The following ZNF653 variants were observed in gnomAD, a reference collection of about 807,000 sequenced individuals.
ZNF653 encodes the protein 67 kDa zinc finger protein.
In ZNF653, 37 loss-of-function variants were observed where a neutral mutation model predicts 59.9. The ratio of observed to expected loss-of-function variants is 0.62; its 90% confidence interval spans 0.48 to 0.81. ZNF653 has a LOEUF of 0.81. ZNF653 is among the 40% of genes least tolerant of loss of function. The pLI, the probability that ZNF653 is intolerant of heterozygous loss-of-function variation, is 0.00. For synonymous variants in ZNF653, 435 were observed against 371.8 expected (o/e 1.17, Z -1.96); for missense variants, 808 against 881.1 (o/e 0.92, Z 1.05).
In ZNF653 at chr19:11,497,611, G is replaced by A. The variant is rs73922661; in HGVS notation, c.343+685C>T. 7.9e-3 allele frequency among the ~76,000 whole-genome samples: 1,203 copies of A among 152,276 alleles called. 22 individuals are homozygous for A. Among genetic ancestry groups the A allele is most frequent in the African/African-American group, 0.028 (1,147 of 41,538 alleles). On this transcript the variant is annotated intron_variant, in intron 2 of 8. Coordinates refer to ENST00000293771, the MANE Select transcript of ZNF653 (RefSeq NM_138783.4). ...GGTATCTGACTCTTGTGATGGTCCT[G>A]GTCCCTCAGCCAAGTGCGAGGACAG...
chr19:11,500,058 T>A (rs1209875774), intron 1 of ZNF653, among the ~76,000 whole-genome samples: 2 of 152,208 alleles, frequency 1.3e-5, no homozygotes, highest in Non-Finnish European at 2.9e-5. Context: ...GCCTCCCTGC[T>A]GTGGCCCAGA....
intron 3 of ZNF653, among the ~76,000 whole-genome samples, chr19:11,488,293 G>A (rs1469947461): frequency 2.0e-5 from 3 of 151,840 alleles, no homozygotes; most frequent in Non-Finnish European, 4.4e-5. Flanking sequence ...GGGACTACAG[G>A]CATGTGCCGC....
chr19:11,483,444 T>G lies in ZNF653; in HGVS notation c.*238A>C. On this transcript the variant is annotated 3_prime_UTR_variant, in exon 9 of 9. Transcript: ENST00000293771. ...GAAGGGCATCTCCTTTCTCGCTCTT[T>G]AATCTCACTCTGCTCTCTTGACACA... The G allele has an allele frequency of 7.5e-7, 1 of 1,337,198 alleles. No individual in the cohort carries two copies. Among genetic ancestry groups the G allele is most frequent in the Non-Finnish European group, 9.6e-7 (1 of 1,044,962 alleles). The allele number at this position is 1,337,198 out of a possible 1,614,324, so 82.8% of individuals were successfully genotyped here.
chr19:11,486,172 G>A lies in ZNF653; in HGVS notation c.1456-402C>T, dbSNP rs1011190301. On this transcript the variant is annotated intron_variant, in intron 6 of 8. Coordinates refer to ENST00000293771, the MANE Select transcript of ZNF653 (RefSeq NM_138783.4). ...GACAGGGTTTCACCGTGTTAACCAG[G>A]ATGGTCTCGATCTCCTGACCTCGTG... 1.1e-4 allele frequency among the ~76,000 whole-genome samples: 17 copies of A among 152,208 alleles called. No individual in the cohort carries two copies. The East Asian group carries it at 3.3e-3, about 29-fold the overall frequency.
At position 11,505,506 on chromosome 19, in the gene ZNF653, T is replaced by G; in HGVS notation, c.281A>C (p.Gln94Pro). Residue 94 changes from glutamine (Q) to proline (P), a missense_variant, in exon 1 of 9, where the codon CAG becomes CCG. Transcript: ENST00000293771. The part of the protein sequence containing the change: ...AAYLISLERG[Q>P]RSGRHGKPWE... ...CCCTCACCCGTGGCGGCCGCTCCGC[T>G]GGCCGCGCTCCAGAGAGATGAGGTA... is the stretch of plus-strand genomic sequence containing the variant. 3 of 1,492,366 alleles carry G rather than the reference T, an allele frequency of 2.0e-6. No individual in the cohort carries two copies. The highest frequency in any genetic ancestry group is 2.6e-6 in the Non-Finnish European group (3 of 1,134,108). The allele number at this position is 1,492,366 out of a possible 1,614,324, so 92.4% of individuals were successfully genotyped here. A position where few individuals can be genotyped will look rare whatever the true frequency, so the allele number is the denominator to read the frequency against.
intron 1 of ZNF653, chr19:11,505,120 A>C: frequency 4.8e-6 from 1 of 209,446 alleles, no homozygotes. Context: ...GTGGGGAACT[A>C]AGCGGGGGAG....
rs911772458 is a variant in ZNF653, at chr19:11,488,895, CTGAG to C, written c.560-996_560-993del. On this transcript the variant is annotated intron_variant, in intron 3 of 8. Coordinates refer to ENST00000293771, the MANE Select transcript of ZNF653 (RefSeq NM_138783.4). ...ACAGGCATGAGCCACCGCATCCGGC[CTGAG>C]TTTTTCTTTTTTTTTTTTGAGACAG... is the stretch of plus-strand genomic sequence containing the variant. Among the ~76,000 whole-genome samples, 11 of 150,390 alleles carry C rather than the reference CTGAG, an allele frequency of 7.3e-5. 1 individual carries two copies. Among genetic ancestry groups the C allele is most frequent in the African/African-American group, 2.7e-4 (11 of 40,732 alleles).
chr19:11,502,907 G>A (rs751227936), intron 1 of ZNF653, among the ~76,000 whole-genome samples: 26 of 151,784 alleles, frequency 1.7e-4, no homozygotes, highest in African/African-American at 6.3e-4. Flanking sequence ...GGGGGTGCAC[G>A]CCTGTAATCC....
chr19:11,492,296 G>A (rs189103131), intron 3 of ZNF653, among the ~76,000 whole-genome samples: 1 of 152,118 alleles, frequency 6.6e-6, no homozygotes, highest in Non-Finnish European at 1.5e-5. Context: ...ACTCACCTTA[G>A]CCTCCCAAAG....
At chr19:11,505,285 T>A in intron 1 of ZNF653, 1 of 524,432 alleles carries the variant, frequency 1.9e-6, no homozygotes, top group African/African-American at 2.0e-5. Context: ...CACCCTAGGA[T>A]TGGGCAGTCG....
At chr19:11,493,306 C>T (rs1379964310) in intron 3 of ZNF653, among the ~76,000 whole-genome samples, 2 of 152,036 alleles carry the variant, frequency 1.3e-5, no homozygotes, top group Admixed American at 1.3e-4. Flanking sequence ...GATCCACCTG[C>T]CTCGGCCTCC....
chr19:11,485,944 G>T (rs1000707925), intron 6 of ZNF653, among the ~76,000 whole-genome samples, 174 bp from the exon 7 acceptor site: 4 of 151,852 alleles, frequency 2.6e-5, no homozygotes, highest in African/African-American at 9.7e-5. Context: ...GGGTCAAAGG[G>T]TAGCTTTATT....
At chr19:11,503,440 T>C (rs1971668048) in intron 1 of ZNF653, among the ~76,000 whole-genome samples, 1 of 152,202 alleles carries the variant, frequency 6.6e-6, no homozygotes. Context: ...ACACTCTTCA[T>C]TTCACTTTTG....
intron 1 of ZNF653, among the ~76,000 whole-genome samples, chr19:11,499,690 T>C (rs113572030): frequency 0.017 from 2,532 of 149,742 alleles, 63 homozygotes; most frequent in African/African-American, 0.059. Flanking sequence ...GACGGGTGCA[T>C]CGCTTGAGGC....
Position 11,483,649 on chromosome 19 carries a change from C to T in ZNF653, c.*33G>A, listed in dbSNP as rs766864008. 2 of 1,597,954 alleles carry T rather than the reference C, an allele frequency of 1.3e-6. No homozygotes were observed. Among genetic ancestry groups the T allele is most frequent in the Non-Finnish European group, 8.6e-7 (1 of 1,167,250 alleles). Reference sequence around the variant, plus strand: ...AGCCCGGGCGTGGTGTCCGAGCGGACGAATAAATAGGGGCGGTCAGTGGTC... The same window carrying T: ...AGCCCGGGCGTGGTGTCCGAGCGGATGAATAAATAGGGGCGGTCAGTGGTC... On this transcript the variant is annotated 3_prime_UTR_variant, in exon 9 of 9. Coordinates refer to ENST00000293771, the MANE Select transcript of ZNF653 (RefSeq NM_138783.4).
chr19:11,491,650 C>T (rs911197448), intron 3 of ZNF653, among the ~76,000 whole-genome samples: 4 of 151,812 alleles, frequency 2.6e-5, no homozygotes, highest in Non-Finnish European at 4.4e-5. Context: ...TGCAGTGGCA[C>T]GATCTTGGCT....
rs755222802 is a variant in ZNF653, at chr19:11,486,941, G to A, written c.1343+46C>T. On this transcript the variant is annotated intron_variant, in intron 5 of 8. Transcript: ENST00000293771. ...CACCAGGCAGGCTGGGGGCCTGCGG[G>A]CCGCTTCTAGCCCTCGCCCTCACCC... 12 of 1,610,126 alleles carry A rather than the reference G, an allele frequency of 7.5e-6. 1 individual carries two copies. The highest frequency in any genetic ancestry group is 1.7e-5 in the Admixed American group (1 of 59,788).
At position 11,487,538 on chromosome 19, in the gene ZNF653, G is replaced by A. The variant is rs1175741679; in HGVS notation, c.925C>T (p.Pro309Ser). 3.1e-6 allele frequency: 5 copies of A among 1,613,856 alleles called. No individual in the cohort carries two copies. Among genetic ancestry groups the A allele is most frequent in the Non-Finnish European group, 4.2e-6 (5 of 1,179,958 alleles). ...GAGCCGGGCACCATGCCTGGCATGGGGCAGCTGGCCACCACCTCACCCAGG... is the reference window on the plus strand; with the variant it reads ...GAGCCGGGCACCATGCCTGGCATGGAGCAGCTGGCCACCACCTCACCCAGG... ...EALGEVVASC[P>S]MPGMVPGSQV... The change falls in exon 4 of 9, where the codon CCC becomes TCC. Residue 309 changes from proline to serine, a missense_variant. Physicochemically the swap from Pro to Ser is moderately conservative, Grantham distance 74 (BLOSUM62 -1). Transcript: ENST00000293771. The surrounding 1 kb of genome is among the most constrained non-coding windows in gnomAD (Gnocchi z 5.1).
chr19:11,504,118 AG>A (rs1568398409), intron 1 of ZNF653, among the ~76,000 whole-genome samples: 1 of 151,732 alleles, frequency 6.6e-6, no homozygotes, highest in South Asian at 2.1e-4. Flanking sequence ...AAGAAAAACG[AG>A]GGCCGGGCGC....
Sources: allele counts gnomAD v4.1 joint callset (sites outside exome capture counted in the v4.1 genomes callset), GRCh38; gene constraint gnomAD v4.1.1; non-coding constraint Gnocchi (gnomAD v3.1); transcripts MANE v1.5; gene names NCBI Gene and HGNC (gene_info 2026-07-23, HGNC 2026-07-21).